Variants in PDZD9 observed in about 807,000 individuals in gnomAD.
PDZD9 encodes PDZ domain-containing protein 9.
Under a neutral mutation model 16.3 loss-of-function variants are expected in PDZD9, and 13 were observed. That is an observed-to-expected ratio of 0.80 (90% CI 0.52 to 1.27). The LOEUF (loss-of-function observed/expected upper bound fraction) is 1.27, where lower values mean the gene tolerates loss of function less well. Ranked by LOEUF, PDZD9 falls within the 50% of genes most tolerant of loss-of-function variation. The pLI, the probability that PDZD9 is intolerant of heterozygous loss-of-function variation, is 0.00. For synonymous variants in PDZD9, 120 were observed against 111.0 expected (o/e 1.08, Z -0.51); for missense variants, 288 against 310.9 (o/e 0.93, Z 0.55).
the PDZD9 span, chr16:21,957,569 G>T: frequency 1.2e-6 from 2 of 1,613,674 alleles, no homozygotes; most frequent in Non-Finnish European, 1.7e-6. Flanking sequence ...CCAGTCTGGT[G>T]AGTATCTTCA....
intron 2 of PDZD9, among the ~76,000 whole-genome samples, chr16:21,991,381 G>T (rs747431540): frequency 2.6e-5 from 4 of 152,220 alleles, no homozygotes; most frequent in Non-Finnish European, 4.4e-5. Context: ...GACTGCAAGC[G>T]CATATGCCCA....
At chr16:21,973,873 A>G in the PDZD9 span, 2 of 1,607,902 alleles carry the variant, frequency 1.2e-6, no homozygotes, top group African/African-American at 1.3e-5. Flanking sequence ...AATATCATAC[A>G]GTAAAGTCTC....
chr16:21,996,578 C>T (rs1899157440), intron 1 of PDZD9, 77 bp from the exon 2 acceptor site: 1 of 1,315,212 alleles, frequency 7.6e-7, no homozygotes, highest in Non-Finnish European at 1.0e-6. Flanking sequence ...GTTCTGAAGC[C>T]AGATCCCTGG....
the PDZD9 span, among the ~76,000 whole-genome samples, chr16:21,972,333 A>G: frequency 6.6e-6 from 1 of 152,226 alleles, no homozygotes; most frequent in African/African-American, 2.4e-5. Context: ...CATTAGTAAT[A>G]TAAAAAGAGG....
intron 2 of PDZD9, among the ~76,000 whole-genome samples, chr16:21,991,458 C>T (rs1490975780): frequency 2.6e-5 from 4 of 152,068 alleles, no homozygotes; most frequent in Admixed American, 2.0e-4. Flanking sequence ...CAGCTGGTCT[C>T]GAACTCCTGA....
chr16:21,977,426 AT>A, the PDZD9 span, among the ~76,000 whole-genome samples: 2 of 152,214 alleles, frequency 1.3e-5, no homozygotes, highest in Non-Finnish European at 2.9e-5. Flanking sequence ...TACCACCAGT[AT>A]ATAAGAGTAC....
At chr16:21,974,308 G>A in the PDZD9 span, among the ~76,000 whole-genome samples, 1 of 152,122 alleles carries the variant, frequency 6.6e-6, no homozygotes. Flanking sequence ...TAGAGATTGT[G>A]TTGAAATCAG....
chr16:21,964,901 A>AT, the PDZD9 span, among the ~76,000 whole-genome samples: 14 of 152,244 alleles, frequency 9.2e-5, no homozygotes, highest in Admixed American at 9.2e-4. Flanking sequence ...GCAAAAAGGC[A>AT]TTGAAGCAAG....
chr16:21,984,225 T>G lies in PDZD9; in HGVS notation c.*42A>C, dbSNP rs757893507. ...ACTTGTGCCTGGTGAGGCACAAAAC[T>G]TGGGTGTCTGCAAGATAAATGCTCA... On this transcript the variant is annotated 3_prime_UTR_variant, in exon 4 of 4. Transcript: ENST00000424898. 1 of 1,560,354 alleles carries G rather than the reference T, an allele frequency of 6.4e-7. No homozygotes were observed. The highest frequency in any genetic ancestry group is 8.7e-7 in the Non-Finnish European group (1 of 1,151,618).
intron 2 of PDZD9, among the ~76,000 whole-genome samples, chr16:21,993,080 G>A (rs140159448): frequency 2.3e-4 from 35 of 152,212 alleles, no homozygotes; most frequent in African/African-American, 5.8e-4. Context: ...CACCCCAGCC[G>A]TACGGAACTG....
chr16:21,992,513 C>T (rs1899048004), intron 2 of PDZD9, among the ~76,000 whole-genome samples: 2 of 152,050 alleles, frequency 1.3e-5, no homozygotes, highest in Admixed American at 6.5e-5. Flanking sequence ...TGGGTAGGCA[C>T]CATCCAATCA....
the PDZD9 span, among the ~76,000 whole-genome samples, chr16:21,973,555 T>C: frequency 6.6e-6 from 1 of 152,224 alleles, no homozygotes; most frequent in African/African-American, 2.4e-5. Context: ...AGAAACCTGG[T>C]CTGCCTAATG....
Position 21,996,426 on chromosome 16 carries a change from C to T in PDZD9, c.107G>A (p.Gly36Asp). 6.5e-7 allele frequency: 1 copy of T among 1,535,980 alleles called. No homozygotes were observed. The highest frequency in any genetic ancestry group is 8.7e-7 in the Non-Finnish European group (1 of 1,146,804). Residue 36 changes from glycine to aspartate, a missense_variant, in exon 2 of 4, where the codon GGT (glycine) becomes GAT (aspartate). By Grantham distance (94) the Gly-to-Asp change is moderately conservative. Coordinates refer to ENST00000424898, the MANE Select transcript of PDZD9 (RefSeq NM_001363519.1). ...SKTQQTKLTV[G>D]SLGLGLIIIQ... ...GATGATGAGGCCTAATCCCAGGCTA[C>T]CCACAGTGAGTTTGGTCTGCTGTGT...
In PDZD9 at chr16:21,996,646, G is replaced by A. The variant is rs1597983303; in HGVS notation, c.32-145C>T. ...TTGTCAGTAAAATGAGGATAAAAAT[G>A]TTCACCTTGGAGAGCTCTTCTGAAA... is the stretch of plus-strand genomic sequence containing the variant. On this transcript the variant is annotated intron_variant, in intron 1 of 3. Transcript: ENST00000424898. The A allele has an allele frequency of 6.9e-6, 6 of 864,730 alleles. 1 individual carries two copies. In the South Asian group the frequency reaches 1.1e-4, roughly 17 times the overall value. 53.6% of individuals were successfully genotyped at this position (864,730 alleles called of 1,614,324 possible). A position where few individuals can be genotyped will look rare whatever the true frequency, so the allele number is the denominator to read the frequency against.
chr16:21,979,438 C>A (rs1213978908), downstream of PDZD9, among the ~76,000 whole-genome samples: 2 of 152,136 alleles, frequency 1.3e-5, no homozygotes, highest in Admixed American at 1.3e-4. Flanking sequence ...TCAGACAAAT[C>A]TAGATGGTAT....
chr16:21,997,631 A>T (rs1238257782), intron 1 of PDZD9, among the ~76,000 whole-genome samples: 1 of 152,206 alleles, frequency 6.6e-6, no homozygotes, highest in Non-Finnish European at 1.5e-5. Flanking sequence ...GGAAAATCCG[A>T]AGGCCTTGGA....
At chr16:21,976,255 T>A in the PDZD9 span, 1 of 1,600,996 alleles carries the variant, frequency 6.2e-7, no homozygotes, top group African/African-American at 1.3e-5. Flanking sequence ...TAAGTCTCAG[T>A]ATTAACTGTG....
At chr16:21,987,788 G>A (rs550452327) in intron 3 of PDZD9, among the ~76,000 whole-genome samples, 16 of 152,186 alleles carry the variant, frequency 1.1e-4, no homozygotes, top group African/African-American at 2.2e-4. Flanking sequence ...GGGAAGTGGC[G>A]TCTTTCGAGG....
At chr16:21,980,453 TA>T, downstream of PDZD9, 1 of 1,358,332 alleles carries the variant, frequency 7.4e-7, no homozygotes, top group Non-Finnish European at 1.0e-6. Context: ...ATCCATTAAA[TA>T]AAGCTTTGAT....
Sources: allele counts gnomAD v4.1 joint callset (sites outside exome capture counted in the v4.1 genomes callset), GRCh38; gene constraint gnomAD v4.1.1; transcripts MANE v1.5; gene names NCBI Gene and HGNC (gene_info 2026-07-23, HGNC 2026-07-21).